Variants in LMX1A observed in about 807,000 individuals in gnomAD.
LMX1A encodes the protein LIM homeobox transcription factor 1-alpha.
LMX1A carries 15 observed loss-of-function variants against 49.1 expected under a neutral mutation model. The ratio of observed to expected loss-of-function variants is 0.31; its 90% confidence interval spans 0.20 to 0.47. The LOEUF is 0.47. LMX1A is among the 20% of genes least tolerant of loss of function. The pLI is 1.00. For missense variants in LMX1A, 372 were observed against 475.8 expected (o/e 0.78, Z 2.03); for synonymous variants, 167 against 185.7 (o/e 0.90, Z 0.82).
intron 3 of LMX1A, among the ~76,000 whole-genome samples, chr1:165,263,458 C>T (rs139663898): frequency 2.4e-4 from 36 of 152,310 alleles, no homozygotes; most frequent in East Asian, 9.6e-4. Flanking sequence ...CTTTATCCTC[C>T]GCATCTCATA....
intron 3 of LMX1A, among the ~76,000 whole-genome samples, chr1:165,339,780 G>A (rs530617092): frequency 2.0e-5 from 3 of 152,180 alleles, no homozygotes; most frequent in Non-Finnish European, 4.4e-5. Flanking sequence ...GGCAGAACCT[G>A]TGCCCCAGAT....
chr1:165,208,993 A>G (rs1205686337), intron 6 of LMX1A, among the ~76,000 whole-genome samples: 1 of 152,194 alleles, frequency 6.6e-6, no homozygotes, highest in Non-Finnish European at 1.5e-5. Context: ...TGTGTTCCAT[A>G]GAGCATTAGG....
chr1:165,240,095 C>G (rs1465128438), intron 4 of LMX1A, among the ~76,000 whole-genome samples: 1 of 152,164 alleles, frequency 6.6e-6, no homozygotes, highest in African/African-American at 2.4e-5. Context: ...TAGACAATAT[C>G]AGCACATAGG....
At chr1:165,267,465 T>G (rs1488456485) in intron 3 of LMX1A, among the ~76,000 whole-genome samples, 1 of 152,190 alleles carries the variant, frequency 6.6e-6, no homozygotes, top group East Asian at 1.9e-4. Flanking sequence ...CCTTTTGTCA[T>G]GAATAGTGCT....
At chr1:165,333,636 G>A (rs1296486191) in intron 3 of LMX1A, among the ~76,000 whole-genome samples, 3 of 152,086 alleles carry the variant, frequency 2.0e-5, no homozygotes, top group Non-Finnish European at 4.4e-5. Flanking sequence ...TTCTCTAAAT[G>A]ATAAAAATCA....
intron 4 of LMX1A, among the ~76,000 whole-genome samples, chr1:165,216,918 C>T (rs1316290121): frequency 6.6e-6 from 1 of 151,994 alleles, no homozygotes; most frequent in Non-Finnish European, 1.5e-5. Context: ...GGGAAAGTAA[C>T]AGTGTTGTTG....
intron 3 of LMX1A, among the ~76,000 whole-genome samples, chr1:165,319,649 C>T (rs1461448221): frequency 6.6e-6 from 1 of 151,904 alleles, no homozygotes; most frequent in Admixed American, 6.6e-5. Flanking sequence ...AAAACATTAA[C>T]AATATAATGT....
At chr1:165,324,111 GGCATTCAGTC>G (rs1655500384) in intron 3 of LMX1A, among the ~76,000 whole-genome samples, 1 of 152,210 alleles carries the variant, frequency 6.6e-6, no homozygotes, top group African/African-American at 2.4e-5. Context: ...GCACATCGCA[GGCATTCAGTC>G]GATTCTGTGG....
intron 6 of LMX1A, among the ~76,000 whole-genome samples, chr1:165,208,663 G>C (rs970824111): frequency 2.0e-5 from 3 of 150,676 alleles, no homozygotes; most frequent in Admixed American, 6.6e-5. Context: ...TTTTGAGACG[G>C]AGTCTCGCTC....
At chr1:165,255,386 C>A (rs1324029457) in intron 3 of LMX1A, among the ~76,000 whole-genome samples, 1 of 152,228 alleles carries the variant, frequency 6.6e-6, no homozygotes, top group East Asian at 1.9e-4. Flanking sequence ...TCTTCTTGCA[C>A]AGCTGCAAGC....
At chr1:165,268,639 T>C (rs918729491) in intron 3 of LMX1A, among the ~76,000 whole-genome samples, 1 of 152,240 alleles carries the variant, frequency 6.6e-6, no homozygotes, top group Non-Finnish European at 1.5e-5. Flanking sequence ...AAGGTCTGGA[T>C]TCGAGGCCCC....
At chr1:165,254,525 G>A (rs1198918086) in intron 3 of LMX1A, among the ~76,000 whole-genome samples, 2 of 152,150 alleles carry the variant, frequency 1.3e-5, no homozygotes, top group Admixed American at 1.3e-4. Flanking sequence ...GTAATTCAAG[G>A]AGAAAAGGTG....
chr1:165,237,279 A>G (rs1388822910), intron 4 of LMX1A, among the ~76,000 whole-genome samples: 1 of 152,206 alleles, frequency 6.6e-6, no homozygotes, highest in East Asian at 1.9e-4. Flanking sequence ...GCTGGAGCGC[A>G]GTGGCACGAA....
At chr1:165,230,718 C>T (rs61800533) in intron 4 of LMX1A, among the ~76,000 whole-genome samples, 25,478 of 152,212 alleles carry the variant, frequency 0.17, 2,367 homozygotes, top group African/African-American at 0.24. Context: ...CACATTTCCT[C>T]GGATAGGAAA....
chr1:165,271,402 T>C (rs1209169322), intron 3 of LMX1A, among the ~76,000 whole-genome samples: 1 of 152,188 alleles, frequency 6.6e-6, no homozygotes, highest in African/African-American at 2.4e-5. Flanking sequence ...ATCACATACC[T>C]CCAGACTTCA....
rs115796098 is a variant in LMX1A at position 165,268,898 on chromosome 1, C to G, written c.264-19258G>C. 7.8e-3 allele frequency among the ~76,000 whole-genome samples: 1,186 copies of G among 152,302 alleles called. 14 individuals are homozygous for G. Among genetic ancestry groups the G allele is most frequent in the African/African-American group, 0.027 (1,116 of 41,554 alleles). Reference sequence around the variant, plus strand: ...GCCATTGCAAAGACCATATGACAGGCAACATAAAAATCCTCAAAAGCAGAG... The same window carrying G: ...GCCATTGCAAAGACCATATGACAGGGAACATAAAAATCCTCAAAAGCAGAG... On this transcript the variant is annotated intron_variant, in intron 3 of 8. Coordinates refer to ENST00000342310, the MANE Select transcript of LMX1A (RefSeq NM_177398.4).
chr1:165,243,786 C>A (rs2102631850), intron 4 of LMX1A, among the ~76,000 whole-genome samples: 2 of 152,340 alleles, frequency 1.3e-5, no homozygotes, highest in South Asian at 4.1e-4. Flanking sequence ...GAATTGAAGT[C>A]AAGGGCTCCT....
At chr1:165,212,238 G>A (rs931508917) in intron 5 of LMX1A, among the ~76,000 whole-genome samples, 4 of 33,502 alleles carry the variant, frequency 1.2e-4, no homozygotes, top group African/African-American at 1.8e-4. Context: ...CTGCACCTAC[G>A]CTGGGCTAAG....
At position 165,355,400 on chromosome 1, in the gene LMX1A, G is replaced by T; in HGVS notation, c.76+84C>A. Reference sequence around the variant, plus strand: ...GAGGGGCGCTAGCTTCCCTATCGCGGACCAGGTCCCAGAGAGCGGGGCTCC... The same window carrying T: ...GAGGGGCGCTAGCTTCCCTATCGCGTACCAGGTCCCAGAGAGCGGGGCTCC... On this transcript the variant is annotated intron_variant, in intron 2 of 8. Coordinates refer to ENST00000342310, the MANE Select transcript of LMX1A (RefSeq NM_177398.4). This position sits in a 1 kb window ranked among gnomAD's most constrained non-coding sequence, Gnocchi z 4.7. The T allele has an allele frequency of 7.4e-7, 1 of 1,350,472 alleles. No homozygotes were observed. Among genetic ancestry groups the T allele is most frequent in the Non-Finnish European group, 1.0e-6 (1 of 954,128 alleles). The allele number at this position is 1,350,472 out of a possible 1,614,324, so 83.7% of individuals were successfully genotyped here.
Sources: gnomAD v4.1 joint callset for allele counts (sites outside exome capture counted in the v4.1 genomes callset) on GRCh38, gnomAD v4.1.1 for gene constraint, Gnocchi (gnomAD v3.1) non-coding constraint, MANE v1.5 for transcripts, NCBI Gene and HGNC (gene_info 2026-07-23, HGNC 2026-07-21) for gene names.